ABCG1: variants seen among roughly 807,000 people sequenced by gnomAD.
ABCG1 encodes the protein ATP binding cassette subfamily G member 1, also known as ATP-binding cassette sub-family G member 1.
A neutral mutation model predicts 69.2 loss-of-function variants in ABCG1; 29 were observed. The ratio of observed to expected loss-of-function variants is 0.42; its 90% CI spans 0.31 to 0.57. ABCG1 has a LOEUF of 0.57. Among genes scored for constraint, ABCG1 ranks in the 20% least tolerant of loss-of-function variants. The pLI is 0.15. For synonymous variants in ABCG1, 370 were observed against 374.8 expected (o/e 0.99, Z 0.15); for missense variants, 718 against 898.1 (o/e 0.80, Z 2.56).
chr21:42,227,793 G>T (rs2067840274), intron 2 of ABCG1, among the ~76,000 whole-genome samples: 1 of 152,190 alleles, frequency 6.6e-6, no homozygotes, highest in African/African-American at 2.4e-5. Context: ...ATGGCAGAAG[G>T]TGAAGGGGAA....
At chr21:42,218,692 A>C (rs1299162728), upstream of ABCG1, among the ~76,000 whole-genome samples, 1 of 143,686 alleles carries the variant, frequency 7.0e-6, no homozygotes, top group Non-Finnish European at 1.5e-5. Context: ...CCTGGCAGAG[A>C]GCTGCCCAAC....
intron 2 of ABCG1, among the ~76,000 whole-genome samples, chr21:42,240,182 G>A (rs925531416): frequency 6.6e-6 from 1 of 152,200 alleles, no homozygotes; most frequent in Admixed American, 6.5e-5. Flanking sequence ...TGCCTGCCAC[G>A]CTGGGTCTCC....
At chr21:42,283,855 TG>T (rs1377874852) in intron 6 of ABCG1, among the ~76,000 whole-genome samples, 1 of 34,596 alleles carries the variant, frequency 2.9e-5, no homozygotes, top group Non-Finnish European at 5.7e-5. Flanking sequence ...CCCAGATGAG[TG>T]GGGACCCCCC....
chr21:42,294,116 G>A (rs1016221058), intron 13 of ABCG1, among the ~76,000 whole-genome samples: 16 of 152,164 alleles, frequency 1.1e-4, no homozygotes, highest in Non-Finnish European at 1.5e-4. Context: ...ACAGGCAGGC[G>A]TCCATCCCGC....
chr21:42,281,447 C>G (rs1431666873), intron 5 of ABCG1, among the ~76,000 whole-genome samples: 1 of 152,196 alleles, frequency 6.6e-6, no homozygotes, highest in African/African-American at 2.4e-5. Flanking sequence ...CCTTCGTGTT[C>G]CCTGAGTCGA....
chr21:42,264,122 T>C (rs2068460515), intron 2 of ABCG1, among the ~76,000 whole-genome samples: 1 of 152,148 alleles, frequency 6.6e-6, no homozygotes, highest in Non-Finnish European at 1.5e-5. Flanking sequence ...GATGCCCTGC[T>C]CATCTGGGGT....
chr21:42,253,377 C>T (rs1371177610), intron 2 of ABCG1, among the ~76,000 whole-genome samples: 1 of 152,184 alleles, frequency 6.6e-6, no homozygotes, highest in East Asian at 1.9e-4. Flanking sequence ...GCTGGGACCC[C>T]ACTTGGTACA....
In ABCG1 at chr21:42,291,197, G is replaced by C. The variant is rs770102098; in HGVS notation, c.1494+5G>C. 4 of 1,609,348 alleles carry C rather than the reference G, an allele frequency of 2.5e-6. No individual in the cohort carries two copies. In the East Asian group the frequency reaches 8.9e-5, roughly 36 times the overall value. Reference sequence around the variant, plus strand: ...ATGGCAGACGTGCCCTTTCAGGTGTGTTAGCCAGGGGCTGGAATTTGAAAC... The same window carrying C: ...ATGGCAGACGTGCCCTTTCAGGTGTCTTAGCCAGGGGCTGGAATTTGAAAC... On this transcript the variant is annotated splice_donor_5th_base_variant and intron_variant, in intron 12 of 14. Transcript: ENST00000398449. The surrounding 1 kb of genome is among the most constrained non-coding windows in gnomAD (Gnocchi z 6.4).
chr21:42,205,256 T>G (rs573052707), intron 2 of ABCG1, among the ~76,000 whole-genome samples: 10 of 152,292 alleles, frequency 6.6e-5, no homozygotes, highest in African/African-American at 2.4e-4. Context: ...ATCAGTAATT[T>G]GTATCTTCTC....
In ABCG1 at chr21:42,296,368, G is replaced by C. The variant is rs761520661; in HGVS notation, c.1977G>C (p.Arg659Ser). ...SLRLIAYFVL[R>S]YKIRAER ...GCCTCATTGCCTATTTTGTCCTCAG[G>C]TACAAAATCCGGGCAGAGAGGTAAA... The change falls in exon 15 of 15, where the codon AGG becomes AGC. Residue 659 changes from arginine to serine, a missense_variant. This residue lies in a region of ABCG1 where 204 missense variants were observed against 323.8 expected (regional missense o/e 0.63). Transcript: ENST00000398449. The surrounding 1 kb of genome is among the most constrained non-coding windows in gnomAD (Gnocchi z 5.4). 6 of 1,613,838 alleles carry C rather than the reference G, an allele frequency of 3.7e-6. No individual in the cohort carries two copies. Among genetic ancestry groups the C allele is most frequent in the Non-Finnish European group, 4.2e-6 (5 of 1,180,028 alleles).
upstream of ABCG1, among the ~76,000 whole-genome samples, chr21:42,217,600 C>T (rs1402887843): frequency 3.3e-5 from 5 of 151,758 alleles, no homozygotes; most frequent in Admixed American, 2.6e-4. Context: ...GCCTGGCACC[C>T]GGGCAGTGGC....
Position 42,265,763 on chromosome 21 carries a change from C to T in ABCG1, c.287-5307C>T, listed in dbSNP as rs144145412. Among the ~76,000 whole-genome samples the T allele has an allele frequency of 3.9e-5, 6 of 152,344 alleles. No individual in the cohort carries two copies. In the East Asian group the frequency reaches 9.6e-4, roughly 24 times the overall value. On this transcript the variant is annotated intron_variant, in intron 2 of 14. Coordinates refer to ENST00000398449, the MANE Select transcript of ABCG1 (RefSeq NM_016818.3). ...ACCTCTGGTCCACTACACCGGACTG[C>T]GAGCTGGCTCAGGACCGCAGGCTGG...
At chr21:42,242,273 G>A (rs1422773676) in intron 2 of ABCG1, among the ~76,000 whole-genome samples, 1 of 152,244 alleles carries the variant, frequency 6.6e-6, no homozygotes, top group Non-Finnish European at 1.5e-5. Flanking sequence ...GGAGGCCAAG[G>A]CAGGAGGACT....
At chr21:42,259,275 T>G (rs1472435533) in intron 2 of ABCG1, 2 of 1,514,034 alleles carry the variant, frequency 1.3e-6, no homozygotes, top group Non-Finnish European at 1.8e-6. Flanking sequence ...ACCAGATCTG[T>G]GCTCTGCCTG....
chr21:42,284,766 G>T, intron 7 of ABCG1, 83 bp downstream of exon 7: 1 of 1,537,980 alleles, frequency 6.5e-7, no homozygotes. Flanking sequence ...GGTACCCACT[G>T]CCTTCTGTTA....
At chr21:42,261,655 G>A (rs1404257964) in intron 2 of ABCG1, among the ~76,000 whole-genome samples, 1 of 152,166 alleles carries the variant, frequency 6.6e-6, no homozygotes, top group Non-Finnish European at 1.5e-5. Context: ...TGTCCTGCCT[G>A]GCCCGGCCCC....
intron 6 of ABCG1, among the ~76,000 whole-genome samples, chr21:42,283,573 G>A (rs1213299107): frequency 6.6e-6 from 1 of 152,194 alleles, no homozygotes; most frequent in African/African-American, 2.4e-5. Flanking sequence ...CCCATAGATG[G>A]GAGGTGGGGA....
chr21:42,246,503 G>C (rs889249148), intron 2 of ABCG1, among the ~76,000 whole-genome samples: 2 of 152,204 alleles, frequency 1.3e-5, no homozygotes, highest in South Asian at 2.1e-4. Context: ...CTGACGTAAA[G>C]GGATGGGATA....
In ABCG1 at chr21:42,219,806, C is replaced by A; in HGVS notation, c.42+502C>A. Reference sequence around the variant, plus strand: ...TCTGGGGGAACAAAAGAGGAAGCTGCCCCCAGAGAGCCGGAGCCTGCGACT... The same window carrying A: ...TCTGGGGGAACAAAAGAGGAAGCTGACCCCAGAGAGCCGGAGCCTGCGACT... On this transcript the variant is annotated intron_variant, in intron 1 of 14. Coordinates refer to ENST00000398449, the MANE Select transcript of ABCG1 (RefSeq NM_016818.3). The surrounding 1 kb of genome is among the most constrained non-coding windows in gnomAD (Gnocchi z 5.3). 7.0e-7 allele frequency: 1 copy of A among 1,432,136 alleles called. No homozygotes were observed. The highest frequency in any genetic ancestry group is 1.4e-5 in the African/African-American group (1 of 69,226). The allele number at this position is 1,432,136 out of a possible 1,614,324, so 88.7% of individuals were successfully genotyped here.
Sources: allele counts gnomAD v4.1 joint callset (sites outside exome capture counted in the v4.1 genomes callset), GRCh38; gene constraint gnomAD v4.1.1; regional missense constraint gnomAD v4.1.1; non-coding constraint Gnocchi (gnomAD v3.1); transcripts MANE v1.5; gene names NCBI Gene and HGNC (gene_info 2026-07-23, HGNC 2026-07-21).